Variants in KIR2DL4 observed in about 807,000 individuals in gnomAD.
KIR2DL4 encodes killer cell immunoglobulin-like receptor 2DL4.
Under a neutral mutation model 31.0 loss-of-function variants are expected in KIR2DL4, and 41 were observed. The ratio of observed to expected loss-of-function variants is 1.32; its 90% confidence interval spans 1.03 to 1.72. KIR2DL4 has a LOEUF of 1.72. Among genes scored for constraint, KIR2DL4 ranks in the 40% most tolerant of loss-of-function variants. The pLI, the probability that KIR2DL4 is intolerant of heterozygous loss-of-function variation, is 0.00. For missense variants in KIR2DL4, 438 were observed against 353.7 expected, an observed-to-expected ratio of 1.24 and a Z score of -1.91; for synonymous variants, 164 against 133.6, an observed-to-expected ratio of 1.23 and a Z score of -1.57.
At chr19:54,808,915 T>G (rs1345109987) in intron 5 of KIR2DL4, 32 bp downstream of exon 5, 4 of 1,566,608 alleles carry the variant, frequency 2.6e-6, no homozygotes, top group Non-Finnish European at 3.5e-6. Flanking sequence ...TCTCTGCTTT[T>G]GGAAACCTGG....
At chr19:54,804,329 G>T (rs376787209) in intron 2 of KIR2DL4, among the ~76,000 whole-genome samples, 82 of 151,098 alleles carry the variant, frequency 5.4e-4, no homozygotes, top group Non-Finnish European at 7.7e-4. Context: ...GTCCTCTGAG[G>T]ACAAGAGGGT....
intron 5 of KIR2DL4, among the ~76,000 whole-genome samples, chr19:54,809,938 G>A (rs2060757203): frequency 6.7e-6 from 1 of 149,394 alleles, no homozygotes; most frequent in African/African-American, 2.5e-5. Context: ...ACTAGGACAG[G>A]AATATTTTGG....
At chr19:54,812,216 G>C (rs2060904957) in intron 5 of KIR2DL4, among the ~76,000 whole-genome samples, 1 of 151,284 alleles carries the variant, frequency 6.6e-6, no homozygotes, top group South Asian at 2.1e-4. Flanking sequence ...TACATAGGCA[G>C]GTTCATTACT....
intron 6 of KIR2DL4, chr19:54,813,333 AG>A: frequency 6.5e-7 from 1 of 1,540,108 alleles, no homozygotes; most frequent in Non-Finnish European, 8.7e-7. Flanking sequence ...CTCTGGCCCA[AG>A]GCAGGAGCCA....
chr19:54,808,846 T>C, exon 5 of KIR2DL4: 1 of 1,598,372 alleles, frequency 6.3e-7, no homozygotes, highest in Admixed American at 1.7e-5. Flanking sequence ...ACCCTTCTAG[T>C]AGTTGGCCTT....
chr19:54,814,063 G>C (rs2147995254), exon 8 of KIR2DL4: 2 of 1,612,194 alleles, frequency 1.2e-6, no homozygotes, highest in East Asian at 4.5e-5. Context: ...CAACAGCCCT[G>C]TCTCAAACCC....
chr19:54,813,792 T>C (rs764521949), intron 7 of KIR2DL4, 50 bp downstream of exon 6: 2 of 1,611,382 alleles, frequency 1.2e-6, no homozygotes, highest in Non-Finnish European at 1.7e-6. Flanking sequence ...TCCGAAATAG[T>C]CCTGAAAAAT....
At position 54,804,849 on chromosome 19, in the gene KIR2DL4, G is replaced by A. The variant is rs200922243; in HGVS notation, c.133G>A (p.Gly45Arg). Residue 45 changes from glycine to arginine, a missense_variant, in exon 3 of 8, where the codon GGA (glycine) becomes AGA (arginine). Physicochemically the swap from Gly to Arg is moderately radical, Grantham distance 125. Coordinates refer to ENST00000359085, the Ensembl canonical transcript of KIR2DL4. The stretch of plus-strand genomic sequence containing the variant: ...GCCCAGCGCTGTGGTGCCTCAAGGA[G>A]GACACGTGACTCTTCGGTGTCACTA... The A allele has an allele frequency of 4.3e-4, 695 of 1,612,318 alleles. 27 individuals carry two copies. The African/African-American group carries it at 7.9e-3, about 18-fold the overall frequency.
At chr19:54,812,043 G>A (rs1323882062) in intron 5 of KIR2DL4, among the ~76,000 whole-genome samples, 6 of 151,356 alleles carry the variant, frequency 4.0e-5, no homozygotes, top group Non-Finnish European at 8.8e-5. Context: ...TTTGAGTCAA[G>A]AGGGTTGTGG....
At chr19:54,803,953 G>T (rs1309863129) in intron 2 of KIR2DL4, 27 bp downstream of exon 2, 2 of 1,602,608 alleles carry the variant, frequency 1.2e-6, no homozygotes, top group Admixed American at 1.7e-5. Context: ...ATGATGGGTT[G>T]CCATCTTCAC....
At chr19:54,805,856 G>T in intron 3 of KIR2DL4, 95 bp from the exon 4 acceptor site, 1 of 1,117,848 alleles carries the variant, frequency 8.9e-7, no homozygotes, top group Non-Finnish European at 1.3e-6. Context: ...GAGAGCACTA[G>T]GCCATAGAGC....
chr19:54,806,004 GGA>G lies in KIR2DL4; in HGVS notation c.420_421del (p.Asn141ArgfsTer12). On this transcript the variant is annotated frameshift_variant, in exon 4 of 8. Coordinates refer to ENST00000359085, the Ensembl canonical transcript of KIR2DL4. LOFTEE classifies it high-confidence loss of function. ...CCGGCCGGGCCCCACGGTTCGCGCA[GGA>G]GAGAACGTGACCTTGTCCTGCAGCT... 6.2e-7 allele frequency: 1 copy of G among 1,610,902 alleles called. No individual in the cohort carries two copies. The highest frequency in any genetic ancestry group is 8.5e-7 in the Non-Finnish European group (1 of 1,179,166).
At chr19:54,805,678 A>G (rs625788) in intron 3 of KIR2DL4, among the ~76,000 whole-genome samples, 1 of 150,760 alleles carries the variant, frequency 6.6e-6, no homozygotes, top group Non-Finnish European at 1.5e-5. Flanking sequence ...TCCAGCAACA[A>G]CAGGAAACCA....
chr19:54,810,650 G>A (rs1475194386), intron 5 of KIR2DL4, among the ~76,000 whole-genome samples: 1 of 151,376 alleles, frequency 6.6e-6, no homozygotes, highest in East Asian at 1.9e-4. Flanking sequence ...GAATGACATG[G>A]GGAGAATGAC....
intron 4 of KIR2DL4, 63 bp downstream of exon 4, chr19:54,806,307 T>A (rs2060526737): frequency 1.3e-6 from 2 of 1,488,788 alleles, no homozygotes; most frequent in African/African-American, 2.9e-5. Context: ...AGGAGCTTCC[T>A]GCTGATGATG....
chr19:54,808,379 T>A (rs2060652440), intron 4 of KIR2DL4, among the ~76,000 whole-genome samples: 1 of 151,376 alleles, frequency 6.6e-6, no homozygotes, highest in Admixed American at 6.6e-5. Context: ...TTTTTGTGTA[T>A]GGTGAGAGGT....
Position 54,806,258 on chromosome 19 carries a change from A to G in KIR2DL4, c.655+14A>G, listed in dbSNP as rs1271279005. 1.9e-6 allele frequency: 3 copies of G among 1,606,482 alleles called. No individual in the cohort carries two copies. In the South Asian group the frequency reaches 3.3e-5, roughly 18 times the overall value. On this transcript the variant is annotated intron_variant, in intron 4 of 7. Coordinates refer to ENST00000359085, the Ensembl canonical transcript of KIR2DL4. Reference sequence around the variant, plus strand: ...TTTCTGTCACAGGTGAGGAAAGCCAATGTCTGTCCCATGTCCTATGGTCCT... The same window carrying G: ...TTTCTGTCACAGGTGAGGAAAGCCAGTGTCTGTCCCATGTCCTATGGTCCT...
exon 4 of KIR2DL4, chr19:54,806,206 G>T: frequency 6.2e-7 from 1 of 1,611,010 alleles, no homozygotes; most frequent in South Asian, 1.1e-5. Flanking sequence ...CCCTACGAGT[G>T]GTCAGACCCG....
chr19:54,814,440 C>A (rs2148000307), exon 8 of KIR2DL4: 1 of 356,210 alleles, frequency 2.8e-6, no homozygotes, highest in East Asian at 7.0e-5. Context: ...TTTCAGCCTT[C>A]TGGCATCAGC....
Sources: gnomAD v4.1 joint callset for allele counts (sites outside exome capture counted in the v4.1 genomes callset) on GRCh38, gnomAD v4.1.1 for gene constraint, MANE v1.5 for transcripts, NCBI Gene and HGNC (gene_info 2026-07-23, HGNC 2026-07-21) for gene names.